The following SLFN14 variants were observed in gnomAD, a reference collection of about 807,000 sequenced individuals.
SLFN14 encodes the protein schlafen family member 14, also known as protein SLFN14.
A neutral mutation model predicts 58.6 loss-of-function variants in SLFN14; 47 were observed. That is an observed-to-expected ratio of 0.80 (90% CI 0.64 to 1.02). The LOEUF (loss-of-function observed/expected upper bound fraction) is 1.02, where lower values mean the gene tolerates loss of function less well. Ranked by LOEUF, SLFN14 falls within the 50% of genes least tolerant of loss-of-function variation. The pLI, the probability that SLFN14 is intolerant of heterozygous loss-of-function variation, is 0.00. For missense variants in SLFN14, 967 were observed against 1,078.4 expected (o/e 0.90, Z 1.45); for synonymous variants, 390 against 387.3 (o/e 1.01, Z -0.08).
At chr17:35,558,203 A>T in intron 2 of SLFN14, 97 bp from the exon 3 acceptor site, 1 of 789,008 alleles carries the variant, frequency 1.3e-6, no homozygotes, top group East Asian at 2.7e-5. Context: ...ATATATTTTA[A>T]TGTTGGAAGT....
chr17:35,548,315 T>C lies in SLFN14; in HGVS notation c.2663A>G (p.Glu888Gly), dbSNP rs2072550394. 3 of 1,551,698 alleles carry C rather than the reference T, an allele frequency of 1.9e-6. No homozygotes were observed. Among genetic ancestry groups the C allele is most frequent in the Non-Finnish European group, 2.6e-6 (3 of 1,146,984 alleles). ...GLSPECDQSE[E>G]FHKLCFASRA... is the part of the protein sequence containing the mutation. ...TGAAGCAAAGCAGAGCTTATGAAATTCCTCTGACTGGTCACATTCTGGACT... is the reference window on the plus strand; with the variant it reads ...TGAAGCAAAGCAGAGCTTATGAAATCCCTCTGACTGGTCACATTCTGGACT... Residue 888 changes from glutamate to glycine, a missense_variant, in exon 6 of 6, where the codon GAA (glutamate) becomes GGA (glycine). By Grantham distance (98) the Glu-to-Gly change is moderately conservative. Transcript: ENST00000674182.
At chr17:35,554,321 A>T (rs1048559109) in intron 4 of SLFN14, among the ~76,000 whole-genome samples, 1 of 147,290 alleles carries the variant, frequency 6.8e-6, no homozygotes, top group Admixed American at 6.8e-5. Context: ...ATATATAATT[A>T]TATATAATAA....
rs1018550906 is a variant in SLFN14, at chr17:35,553,017, C to T, written c.1617G>A (p.Glu539=). The change falls in exon 5 of 6, where the codon GAG becomes GAA. Residue 539 remains glutamate, a synonymous_variant. Coordinates refer to ENST00000674182, the MANE Select transcript of SLFN14 (RefSeq NM_001129820.2). ...YPRSYRLADE[E]EMEDLLQALV... ...GAGCCTGCAGCAAGTCTTCCATTTC[C>T]TCCTCATCAGCAAGCCTGTAGGACC... The T allele has an allele frequency of 3.9e-5, 60 of 1,551,506 alleles. No homozygotes were observed. The highest frequency in any genetic ancestry group is 4.9e-5 in the Non-Finnish European group (56 of 1,147,004).
At position 35,545,659 on chromosome 17, in the gene SLFN14, T is replaced by C. The variant is rs925770172; in HGVS notation, c.*2580A>G. 6.6e-6 allele frequency among the ~76,000 whole-genome samples: 1 copy of C among 152,070 alleles called. No individual in the cohort carries two copies. On this transcript the variant is annotated 3_prime_UTR_variant, in exon 6 of 6. Transcript: ENST00000674182. ...AAAAGCATGCACCACCATGCCCAAC[T>C]AAGTTTTTAAAAAAATTTTTTTTGT...
At position 35,548,240 on chromosome 17, in the gene SLFN14, C is replaced by A; in HGVS notation, c.2738G>T (p.Ter913LeuextTer26). Reference protein sequence around the residue: ...YLLYEKRAAY* With the variant: ...YLLYEKRAAYL ...TTCCTCTATTATTTGTAATAATTTT[C>A]AGTAGGCTGCCCTCTTTTCATAAAG... Residue 913 changes from the stop codon to leucine, a stop_lost, in exon 6 of 6, where the codon TGA (stop) becomes TTA (leucine). Transcript: ENST00000674182. 1 of 1,549,502 alleles carries A rather than the reference C, an allele frequency of 6.5e-7. No homozygotes were observed. Among genetic ancestry groups the A allele is most frequent in the Admixed American group, 2.0e-5 (1 of 50,726 alleles).
chr17:35,548,423 GC>G lies in SLFN14; in HGVS notation c.2554del (p.Ala852ProfsTer11). On this transcript the variant is annotated frameshift_variant, in exon 6 of 6. Coordinates refer to ENST00000674182, the MANE Select transcript of SLFN14 (RefSeq NM_001129820.2). LOFTEE classifies it high-confidence loss of function. ...HRPSEVVFSP[A>X]TGVWGSHIVL... ...AATGTGACTTCCCCAAACACCGGTG[GC>G]CGGGCTAAACACAACCTCTGATGGT... The G allele has an allele frequency of 6.4e-7, 1 of 1,551,676 alleles. No homozygotes were observed. The highest frequency in any genetic ancestry group is 8.7e-7 in the Non-Finnish European group (1 of 1,146,994).
At chr17:35,550,452 AAG>A (rs2072575507) in intron 5 of SLFN14, among the ~76,000 whole-genome samples, 2 of 152,232 alleles carry the variant, frequency 1.3e-5, no homozygotes, top group Admixed American at 1.3e-4. Context: ...AGGCTGAGGC[AAG>A]AGAATCACTT....
rs1325352217 is a variant in SLFN14, at chr17:35,545,040, CA to C, written c.*3198del. Reference sequence around the variant, plus strand: ...GAATTCTAAAACAACCAAGTTAGTCCATTATTCTTAGTCCCCACCAGTTCCT... The same window carrying C: ...GAATTCTAAAACAACCAAGTTAGTCCTTATTCTTAGTCCCCACCAGTTCCT... On this transcript the variant is annotated 3_prime_UTR_variant, in exon 6 of 6. Coordinates refer to ENST00000674182, the MANE Select transcript of SLFN14 (RefSeq NM_001129820.2). Among the ~76,000 whole-genome samples, 1 of 152,094 alleles carries C rather than the reference CA, an allele frequency of 6.6e-6. No individual in the cohort carries two copies. Among genetic ancestry groups the C allele is most frequent in the Non-Finnish European group, 1.5e-5 (1 of 68,012 alleles).
chr17:35,550,632 T>A lies in SLFN14; in HGVS notation c.1905-1559A>T, dbSNP rs574031997. The stretch of plus-strand genomic sequence containing the variant: ...ACATTGTTTTTTTTATGGCAAGGTC[T>A]TCAATATGTTTTCTCCTCTAACACT... On this transcript the variant is annotated intron_variant, in intron 5 of 5. Transcript: ENST00000674182. Among the ~76,000 whole-genome samples the A allele has an allele frequency of 5.3e-5, 8 of 152,336 alleles. No homozygotes were observed. In the South Asian group the frequency reaches 1.7e-3, roughly 32 times the overall value.
At chr17:35,558,926 A>G (rs1426127348) in intron 2 of SLFN14, among the ~76,000 whole-genome samples, 1 of 152,070 alleles carries the variant, frequency 6.6e-6, no homozygotes, top group Non-Finnish European at 1.5e-5. Flanking sequence ...AAACACAAAC[A>G]TAGGCTGGGT....
rs754360448 is a variant in SLFN14 at position 35,548,289 on chromosome 17, T to C, written c.2689A>G (p.Arg897Gly). The C allele has an allele frequency of 4.5e-6, 7 of 1,551,610 alleles. No homozygotes were observed. Among genetic ancestry groups the C allele is most frequent in the African/African-American group, 1.4e-5 (1 of 73,062 alleles). The change falls in exon 6 of 6, where the codon AGA (arginine) becomes GGA (glycine). Residue 897 changes from arginine to glycine, a missense_variant. Transcript: ENST00000674182. ...AGCAGGTAGAGGTGTTTAATGGCTC[T>C]TGAAGCAAAGCAGAGCTTATGAAAT... ...EEFHKLCFAS[R>G]AIKHLYLLYE... is the part of the protein sequence containing the mutation.
At chr17:35,553,527 A>G (rs2072618457) in intron 4 of SLFN14, 83 bp from the exon 5 acceptor site, 8 of 1,069,362 alleles carry the variant, frequency 7.5e-6, no homozygotes, top group Non-Finnish European at 1.1e-5. Flanking sequence ...AAAAAATGAT[A>G]CCTGGTGCAT....
intron 5 of SLFN14, among the ~76,000 whole-genome samples, chr17:35,550,344 A>C (rs941259671): frequency 3.3e-5 from 5 of 152,148 alleles, no homozygotes; most frequent in African/African-American, 4.8e-5. Context: ...TCAGGAGTTC[A>C]AGACCAGCCT....
chr17:35,556,371 A>G (rs899599178), intron 3 of SLFN14, among the ~76,000 whole-genome samples: 17 of 152,318 alleles, frequency 1.1e-4, no homozygotes, highest in Non-Finnish European at 2.2e-4. Flanking sequence ...CTCTAAAATG[A>G]GGCTATTCCA....
chr17:35,557,249 C>T lies in SLFN14; in HGVS notation c.814G>A (p.Glu272Lys), dbSNP rs866197946. ...VNPDLLKKEI[E>K]NCIEKLPTFH... ...GTAGGCAATTTTTCTATGCAGTTTT[C>T]GATTTCTTTTTTTAGTAAGTCAGGA... is the stretch of plus-strand genomic sequence containing the variant. The change falls in exon 3 of 6, where the codon GAA becomes AAA. Residue 272 changes from glutamate to lysine, a missense_variant. Transcript: ENST00000674182. 24 of 1,551,548 alleles carry T rather than the reference C, an allele frequency of 1.5e-5. No homozygotes were observed. The highest frequency in any genetic ancestry group is 3.9e-5 in the Admixed American group (2 of 50,964).
chr17:35,559,087 A>G (rs1254272988), intron 2 of SLFN14, among the ~76,000 whole-genome samples: 1 of 151,804 alleles, frequency 6.6e-6, no homozygotes, highest in Non-Finnish European at 1.5e-5. Context: ...TTAGGCAGGT[A>G]TGGTGGTGCG....
intron 3 of SLFN14, 130 bp from the exon 4 acceptor site, chr17:35,554,834 T>C: frequency 1.4e-6 from 1 of 705,970 alleles, no homozygotes; most frequent in Non-Finnish European, 2.0e-6. Context: ...CAGTCGTACT[T>C]ACTATGCGTC....
At position 35,544,607 on chromosome 17, in the gene SLFN14, C is replaced by A. The variant is rs1410223996; in HGVS notation, c.*3632G>T. On this transcript the variant is annotated 3_prime_UTR_variant, in exon 6 of 6. Transcript: ENST00000674182. Reference sequence around the variant, plus strand: ...GCAGTGGCGCAATCTCAGCTCACTGCAACCTCCACCTCCCAGGTTCAAGCA... The same window carrying A: ...GCAGTGGCGCAATCTCAGCTCACTGAAACCTCCACCTCCCAGGTTCAAGCA... 1.3e-5 allele frequency among the ~76,000 whole-genome samples: 2 copies of A among 150,896 alleles called. No individual in the cohort carries two copies. Among genetic ancestry groups the A allele is most frequent in the African/African-American group, 4.9e-5 (2 of 40,792 alleles).
At position 35,554,724 on chromosome 17, in the gene SLFN14, G is replaced by C. The variant is rs2072633300; in HGVS notation, c.1061-20C>G. ...GAGGAGCTAGACAATTACATGGAAA[G>C]TTGTTTCAGACAAAAAATAAAAAGT... is the stretch of plus-strand genomic sequence containing the variant. On this transcript the variant is annotated intron_variant, in intron 3 of 5. Coordinates refer to ENST00000674182, the MANE Select transcript of SLFN14 (RefSeq NM_001129820.2). 1 of 1,273,890 alleles carries C rather than the reference G, an allele frequency of 7.8e-7. No homozygotes were observed. Among genetic ancestry groups the C allele is most frequent in the Non-Finnish European group, 1.0e-6 (1 of 988,228 alleles). 78.9% of individuals were successfully genotyped at this position (1,273,890 alleles called of 1,614,324 possible). A position where few individuals can be genotyped will look rare whatever the true frequency, so the allele number is the denominator to read the frequency against.
Sources: allele counts gnomAD v4.1 joint callset (sites outside exome capture counted in the v4.1 genomes callset), GRCh38; gene constraint gnomAD v4.1.1; transcripts MANE v1.5; gene names NCBI Gene and HGNC (gene_info 2026-07-23, HGNC 2026-07-21).